The following NETO1 variants were observed in gnomAD, a reference collection of about 807,000 sequenced individuals.
The protein encoded by NETO1 is neuropilin and tolloid like 1, also known as neuropilin and tolloid-like protein 1.
A neutral mutation model predicts 61.3 loss-of-function variants in NETO1; 26 were observed. The observed-to-expected ratio is 0.42, with a 90% CI of 0.31 to 0.59. NETO1 has a LOEUF of 0.59. NETO1 is among the 20% of genes least tolerant of loss of function. The pLI, the probability that NETO1 is intolerant of heterozygous loss-of-function variation, is 0.12. For synonymous variants in NETO1, 225 were observed against 225.8 expected (o/e 1.00, Z 0.03); for missense variants, 531 against 662.8 (o/e 0.80, Z 2.18).
intron 9 of NETO1, 143 bp downstream of exon 9, chr18:72,749,916 AAAG>A (rs1461035294): frequency 4.6e-6 from 3 of 645,304 alleles, no homozygotes; most frequent in African/African-American, 3.6e-5. Context: ...TGAAAAGGAA[AAAG>A]AAGAGGGAAA....
rs146702293 is a variant in NETO1 at position 72,823,026 on chromosome 18, G to A, written c.470-28622C>T. Among the ~76,000 whole-genome samples, 443 of 152,258 alleles carry A rather than the reference G, an allele frequency of 2.9e-3. 7 individuals carry two copies. The highest frequency in any genetic ancestry group is 0.024 in the Admixed American group (365 of 15,300). On this transcript the variant is annotated intron_variant, in intron 4 of 10. Transcript: ENST00000327305. ...TATTTTCCTTCAAGCATCTCTGTAT[G>A]TTTTGACTTCTTAAGCGCTTACATT...
chr18:72,766,057 A>G (rs1396387669), intron 7 of NETO1, among the ~76,000 whole-genome samples: 2 of 152,004 alleles, frequency 1.3e-5, no homozygotes, highest in Non-Finnish European at 2.9e-5. Context: ...AAATACAAAA[A>G]GTAGACTGGT....
chr18:72,856,837 T>C (rs970422100), intron 4 of NETO1, among the ~76,000 whole-genome samples: 1 of 152,214 alleles, frequency 6.6e-6, no homozygotes, highest in Non-Finnish European at 1.5e-5. Flanking sequence ...GAGAAATTCT[T>C]CCTCCTTCAA....
At chr18:72,759,219 C>T (rs529500733) in intron 7 of NETO1, among the ~76,000 whole-genome samples, 3 of 152,164 alleles carry the variant, frequency 2.0e-5, no homozygotes, top group Non-Finnish European at 4.4e-5. Flanking sequence ...CCCAGATACC[C>T]CTTCTCCACT....
chr18:72,761,973 T>C (rs1249811332), intron 7 of NETO1, among the ~76,000 whole-genome samples: 1 of 152,168 alleles, frequency 6.6e-6, no homozygotes, highest in Non-Finnish European at 1.5e-5. Flanking sequence ...AATATGCCTG[T>C]TTAACTTTGT....
At chr18:72,780,953 G>C (rs1278206119) in intron 7 of NETO1, among the ~76,000 whole-genome samples, 4 of 151,778 alleles carry the variant, frequency 2.6e-5, no homozygotes, top group Non-Finnish European at 5.9e-5. Context: ...ATCTTTTTTT[G>C]CATTGTTACT....
chr18:72,790,982 A>G (rs931043477), intron 6 of NETO1, among the ~76,000 whole-genome samples: 9 of 152,134 alleles, frequency 5.9e-5, no homozygotes, highest in Non-Finnish European at 1.0e-4. Context: ...ATTAGACCCC[A>G]GAGTATTTGC....
intron 1 of NETO1, chr18:72,865,582 A>G (rs1490694853): frequency 4.4e-6 from 7 of 1,607,448 alleles, no homozygotes; most frequent in Non-Finnish European, 5.1e-6. Context: ...CCCTTAGGGA[A>G]TGGCTCTGCC....
chr18:72,831,771 G>A (rs1027386947), intron 4 of NETO1, among the ~76,000 whole-genome samples: 1 of 151,886 alleles, frequency 6.6e-6, no homozygotes, highest in African/African-American at 2.4e-5. Context: ...TTACGTTTCT[G>A]TGCAAAGCTT....
chr18:72,796,769 T>C lies in NETO1; in HGVS notation c.470-2365A>G, dbSNP rs545001064. On this transcript the variant is annotated intron_variant, in intron 4 of 10. Transcript: ENST00000327305. ...GTGAGCCACCGCGCCCGGCCGAAAA[T>C]AGATTTTAAAAAATCTTTTTAGAAA... is the stretch of plus-strand genomic sequence containing the variant. 1.6e-4 allele frequency among the ~76,000 whole-genome samples: 25 copies of C among 152,030 alleles called. No homozygotes were observed. In the East Asian group the frequency reaches 4.7e-3, roughly 28 times the overall value.
intron 4 of NETO1, among the ~76,000 whole-genome samples, chr18:72,804,639 T>C (rs2072615610): frequency 6.6e-6 from 1 of 152,210 alleles, no homozygotes; most frequent in African/African-American, 2.4e-5. Flanking sequence ...TTTAGGTTTT[T>C]ACAACTCATG....
At chr18:72,798,724 G>A (rs530917484) in intron 4 of NETO1, among the ~76,000 whole-genome samples, 1 of 152,180 alleles carries the variant, frequency 6.6e-6, no homozygotes, top group African/African-American at 2.4e-5. Flanking sequence ...TCATCGGAGA[G>A]CTTCTTTGAA....
At chr18:72,864,460 C>A (rs2074673252) in intron 3 of NETO1, among the ~76,000 whole-genome samples, 1 of 152,034 alleles carries the variant, frequency 6.6e-6, no homozygotes, top group African/African-American at 2.4e-5. Context: ...AATTGTTGAG[C>A]TAAAAAAATG....
At chr18:72,865,696 C>T (rs548695874) in intron 1 of NETO1, 52 of 1,543,550 alleles carry the variant, frequency 3.4e-5, no homozygotes, top group Non-Finnish European at 4.6e-5. Context: ...TGCAGTGTGG[C>T]TGTATTTTAG....
At chr18:72,773,500 C>T (rs2071444630) in intron 7 of NETO1, among the ~76,000 whole-genome samples, 1 of 152,066 alleles carries the variant, frequency 6.6e-6, no homozygotes, top group East Asian at 1.9e-4. Flanking sequence ...GCTCTGTGTC[C>T]CTACCCAAAT....
At chr18:72,834,034 T>G (rs966910382) in intron 4 of NETO1, 1 of 784,750 alleles carries the variant, frequency 1.3e-6, no homozygotes, top group Middle Eastern at 6.5e-4. Context: ...ACAGATATAT[T>G]TTCATTTAGA....
chr18:72,811,511 T>A (rs2072865460), intron 4 of NETO1, among the ~76,000 whole-genome samples: 1 of 152,156 alleles, frequency 6.6e-6, no homozygotes, highest in African/African-American at 2.4e-5. Flanking sequence ...ACAGACTATT[T>A]CAAAAAGTAG....
chr18:72,800,114 T>A (rs1413883200), intron 4 of NETO1, among the ~76,000 whole-genome samples: 2 of 152,196 alleles, frequency 1.3e-5, no homozygotes, highest in Non-Finnish European at 2.9e-5. Context: ...CATCTCAGCT[T>A]TCAGAAGAGC....
At chr18:72,807,539 A>G (rs2072713225) in intron 4 of NETO1, among the ~76,000 whole-genome samples, 1 of 152,210 alleles carries the variant, frequency 6.6e-6, no homozygotes, top group Non-Finnish European at 1.5e-5. Flanking sequence ...GTTTGTGTTC[A>G]CATTAAGTAG....
Sources: allele counts gnomAD v4.1 joint callset (sites outside exome capture counted in the v4.1 genomes callset), GRCh38; gene constraint gnomAD v4.1.1; transcripts MANE v1.5; gene names NCBI Gene and HGNC (gene_info 2026-07-23, HGNC 2026-07-21).